Variants in GRIK2 observed in about 807,000 individuals in gnomAD.
The protein encoded by GRIK2 is glutamate receptor ionotropic, kainate 2.
Under a neutral mutation model 100.3 loss-of-function variants are expected in GRIK2, and 32 were observed. That is an observed-to-expected ratio of 0.32 (90% confidence interval 0.24 to 0.43). The LOEUF (loss-of-function observed/expected upper bound fraction) is 0.43. GRIK2 is among the 20% of genes least tolerant of loss of function. The pLI is 1.00. For synonymous variants in GRIK2, 417 were observed against 389.4 expected, an observed-to-expected ratio of 1.07 and a Z score of -0.83; for missense variants, 843 against 1,114.9, an observed-to-expected ratio of 0.76 and a Z score of 3.47.
chr6:101,754,681 T>A (rs2128386409), intron 7 of GRIK2, among the ~76,000 whole-genome samples: 1 of 152,314 alleles, frequency 6.6e-6, no homozygotes, highest in Non-Finnish European at 1.5e-5. Flanking sequence ...GGTTAGCACA[T>A]AGCTGAGGCT....
At chr6:102,064,204 AG>A (rs1161729020) in intron 16 of GRIK2, among the ~76,000 whole-genome samples, 3 of 150,592 alleles carry the variant, frequency 2.0e-5, no homozygotes, top group Non-Finnish European at 4.5e-5. Flanking sequence ...AAAGCAAGAT[AG>A]TTGTCTTTCT....
chr6:101,453,233 C>CT lies in GRIK2; in HGVS notation c.115+53848dup, dbSNP rs149886080. Among the ~76,000 whole-genome samples the CT allele has an allele frequency of 6.1e-3, 921 of 151,644 alleles. 4 individuals carry two copies. The highest frequency in any genetic ancestry group is 0.022 in the African/African-American group (892 of 41,396). On this transcript the variant is annotated intron_variant, in intron 2 of 16. Transcript: ENST00000369134. ...GTTTCTGTTCCGTTCCCAGTAGTTT[C>CT]TTTTTTTCATTCATCTTCAGATTTA...
chr6:101,708,098 T>G (rs895468083), intron 7 of GRIK2, among the ~76,000 whole-genome samples: 1 of 151,732 alleles, frequency 6.6e-6, no homozygotes, highest in Non-Finnish European at 1.5e-5. Flanking sequence ...AATAAATGAA[T>G]GAAAAAATAA....
chr6:101,461,693 C>T (rs969971234), intron 2 of GRIK2, among the ~76,000 whole-genome samples: 1 of 152,060 alleles, frequency 6.6e-6, no homozygotes, highest in Non-Finnish European at 1.5e-5. Flanking sequence ...GGGATTAAGA[C>T]GTGAACATAT....
intron 2 of GRIK2, among the ~76,000 whole-genome samples, chr6:101,500,060 A>G (rs1773669284): frequency 6.6e-6 from 1 of 152,154 alleles, no homozygotes; most frequent in Admixed American, 6.6e-5. Context: ...AACATCACAT[A>G]TGGATATAAG....
At chr6:101,725,880 T>C (rs1774828742) in intron 7 of GRIK2, among the ~76,000 whole-genome samples, 1 of 152,024 alleles carries the variant, frequency 6.6e-6, no homozygotes, top group Non-Finnish European at 1.5e-5. Flanking sequence ...ATTTATTCCA[T>C]ACATCCTTAA....
At chr6:101,438,815 G>A (rs189284998) in intron 2 of GRIK2, among the ~76,000 whole-genome samples, 26 of 152,236 alleles carry the variant, frequency 1.7e-4, no homozygotes, top group Non-Finnish European at 3.2e-4. Context: ...TTGCCACACA[G>A]ATGACAATTG....
intron 9 of GRIK2, among the ~76,000 whole-genome samples, chr6:101,803,428 G>C (rs1253570054): frequency 6.6e-6 from 1 of 151,766 alleles, no homozygotes; most frequent in Non-Finnish European, 1.5e-5. Flanking sequence ...AACTGATAGA[G>C]CTGTTACCTC....
At chr6:101,438,900 A>T (rs909505348) in intron 2 of GRIK2, among the ~76,000 whole-genome samples, 1 of 152,102 alleles carries the variant, frequency 6.6e-6, no homozygotes, top group African/African-American at 2.4e-5. Context: ...TGTAAACTGC[A>T]TTGATTTTTG....
intron 4 of GRIK2, among the ~76,000 whole-genome samples, chr6:101,659,347 C>T (rs760863684): frequency 6.6e-6 from 1 of 152,088 alleles, no homozygotes; most frequent in Non-Finnish European, 1.5e-5. Flanking sequence ...TTTCTGAGGC[C>T]TCGTTCTGTT....
chr6:101,961,664 C>A (rs965312767), intron 14 of GRIK2, among the ~76,000 whole-genome samples: 23 of 152,104 alleles, frequency 1.5e-4, no homozygotes, highest in Non-Finnish European at 3.1e-4. Context: ...AGCTCTTGTG[C>A]AGAGGAGAGT....
intron 7 of GRIK2, among the ~76,000 whole-genome samples, chr6:101,752,259 G>A (rs948877043): frequency 3.3e-5 from 5 of 151,944 alleles, no homozygotes; most frequent in Admixed American, 6.6e-5. Flanking sequence ...CCTCCTCAAC[G>A]AGCCTCAAAA....
chr6:101,780,407 C>T (rs1779015005), intron 7 of GRIK2, among the ~76,000 whole-genome samples: 1 of 152,024 alleles, frequency 6.6e-6, no homozygotes, highest in South Asian at 2.1e-4. Context: ...CATGAGACCT[C>T]GAAATAATTA....
intron 14 of GRIK2, among the ~76,000 whole-genome samples, chr6:102,015,063 T>G (rs1194896631): frequency 6.6e-6 from 1 of 152,166 alleles, no homozygotes; most frequent in Non-Finnish European, 1.5e-5. Context: ...ACTATTATTT[T>G]GTGGGAATCT....
chr6:101,875,862 T>C (rs2128450824), intron 11 of GRIK2, among the ~76,000 whole-genome samples: 1 of 152,076 alleles, frequency 6.6e-6, no homozygotes, highest in South Asian at 2.1e-4. Context: ...ATATTAGTTC[T>C]AATCTGATTC....
intron 7 of GRIK2, among the ~76,000 whole-genome samples, chr6:101,707,174 G>A (rs1773361927): frequency 6.6e-6 from 1 of 151,418 alleles, no homozygotes; most frequent in Admixed American, 6.6e-5. Context: ...GGGCAGTGTG[G>A]GCTTATAGAT....
intron 14 of GRIK2, chr6:101,993,927 A>G (rs1794513866): frequency 6.8e-6 from 1 of 147,866 alleles, no homozygotes; most frequent in African/African-American, 2.5e-5. Context: ...CATTGTATAC[A>G]AATATGAATA....
chr6:101,807,220 C>T (rs2128416849), intron 9 of GRIK2, among the ~76,000 whole-genome samples: 1 of 151,938 alleles, frequency 6.6e-6, no homozygotes, highest in Non-Finnish European at 1.5e-5. Flanking sequence ...GGGTTGGGGT[C>T]ATGGGTCAAT....
intron 10 of GRIK2, among the ~76,000 whole-genome samples, chr6:101,837,180 T>A (rs1458201475): frequency 6.6e-6 from 1 of 152,172 alleles, no homozygotes; most frequent in Non-Finnish European, 1.5e-5. Flanking sequence ...ATTCTGTTTG[T>A]TTTAAACATT....
Sources: allele counts gnomAD v4.1 joint callset (sites outside exome capture counted in the v4.1 genomes callset), GRCh38; gene constraint gnomAD v4.1.1; transcripts MANE v1.5; gene names NCBI Gene and HGNC (gene_info 2026-07-23, HGNC 2026-07-21).